ZNF33B: variants seen among roughly 807,000 people sequenced by gnomAD.
ZNF33B encodes zinc finger protein 11b (KOX 2).
ZNF33B carries 29 observed loss-of-function variants against 45.8 expected under a neutral mutation model. The observed-to-expected ratio is 0.63, with a 90% CI of 0.47 to 0.86. ZNF33B has a LOEUF of 0.86. Among genes scored for constraint, ZNF33B ranks in the 40% least tolerant of loss-of-function variants. ZNF33B has a pLI of 0.00. For synonymous variants in ZNF33B, 305 were observed against 307.8 expected, an observed-to-expected ratio of 0.99 and a Z score of 0.10; for missense variants, 831 against 909.9, an observed-to-expected ratio of 0.91 and a Z score of 1.12.
In ZNF33B at chr10:42,592,704, T is replaced by G. The variant is rs145246304; in HGVS notation, c.2246A>C (p.Tyr749Ser). The G allele has an allele frequency of 6.2e-7, 1 of 1,614,142 alleles. No homozygotes were observed. Among genetic ancestry groups the G allele is most frequent in the Non-Finnish European group, 8.5e-7 (1 of 1,179,994 alleles). ...GGTTTTCCTGCATGTGTTACATTCATAGGGCTTTTCCCCTGTATGTGATCT... is the reference window on the plus strand; with the variant it reads ...GGTTTTCCTGCATGTGTTACATTCAGAGGGCTTTTCCCCTGTATGTGATCT... ...HQRSHTGEKP[Y>S]ECNTCRKTFS... Residue 749 changes from tyrosine (Y) to serine (S), a missense_variant, in exon 5 of 5, where the codon TAT (tyrosine) becomes TCT (serine). By Grantham distance (144) the Tyr-to-Ser change is moderately radical (BLOSUM62 -2). Transcript: ENST00000359467.
intron 4 of ZNF33B, among the ~76,000 whole-genome samples, chr10:42,616,556 A>C (rs900890165): frequency 1.3e-5 from 2 of 151,786 alleles, no homozygotes; most frequent in African/African-American, 2.4e-5. Context: ...ATGTTTTATT[A>C]TTTTTTTCTT....
At chr10:42,589,088 G>C (rs1836996833), downstream of ZNF33B, 1 of 379,240 alleles carries the variant, frequency 2.6e-6, no homozygotes, top group Non-Finnish European at 3.6e-6. Context: ...CCTTAGTACA[G>C]AAACAAGATG....
At chr10:42,603,834 G>C (rs985860946) in intron 4 of ZNF33B, among the ~76,000 whole-genome samples, 1 of 152,214 alleles carries the variant, frequency 6.6e-6, no homozygotes, top group Non-Finnish European at 1.5e-5. Flanking sequence ...GCTAAAGATA[G>C]TGTGCATTTC....
chr10:42,612,200 G>T (rs1838126800), intron 4 of ZNF33B, among the ~76,000 whole-genome samples: 2 of 146,930 alleles, frequency 1.4e-5, no homozygotes, highest in Non-Finnish European at 1.5e-5. Flanking sequence ...GTTTTCTTCT[G>T]TAGCCTGTTG....
Position 42,638,570 on chromosome 10 carries a change from G to A in ZNF33B, c.-141C>T. On this transcript the variant is annotated 5_prime_UTR_variant, in exon 1 of 5. Transcript: ENST00000359467. ...ACGCAAAACGTGAGACAAACAAAAG[G>A]AAAGGCGGAAACGCAGAAACGCAGA... 2.1e-6 allele frequency: 1 copy of A among 473,380 alleles called. No individual in the cohort carries two copies. Among genetic ancestry groups the A allele is most frequent in the Admixed American group, 2.3e-5 (1 of 44,164 alleles). The allele number at this position is 473,380 out of a possible 1,614,324, so 29.3% of individuals were successfully genotyped here.
In ZNF33B at chr10:42,594,152, C is replaced by G; in HGVS notation, c.798G>C (p.Gln266His). The G allele has an allele frequency of 6.2e-7, 1 of 1,613,874 alleles. No individual in the cohort carries two copies. Among genetic ancestry groups the G allele is most frequent in the Non-Finnish European group, 8.5e-7 (1 of 1,179,938 alleles). ...FCDSSSLLFH[Q>H]IPPSKDSHYE... Reference sequence around the variant, plus strand: ...AGTGACTGTCCTTTGATGGAGGTATCTGATGGAACAAGAGGGATGAACTAT... The same window carrying G: ...AGTGACTGTCCTTTGATGGAGGTATGTGATGGAACAAGAGGGATGAACTAT... Residue 266 changes from glutamine to histidine, a missense_variant, in exon 5 of 5, where the codon CAG (glutamine) becomes CAC (histidine). Gln to His is a conservative substitution (Grantham distance 24). Transcript: ENST00000359467.
chr10:42,630,112 CTTG>C (rs1252621393), intron 4 of ZNF33B, among the ~76,000 whole-genome samples: 1 of 152,158 alleles, frequency 6.6e-6, no homozygotes, highest in Non-Finnish European at 1.5e-5. Context: ...CCCAAGCCTT[CTTG>C]TTATTTCCTT....
chr10:42,614,944 T>C (rs532498988), intron 4 of ZNF33B, among the ~76,000 whole-genome samples: 1 of 151,250 alleles, frequency 6.6e-6, no homozygotes, highest in Non-Finnish European at 1.5e-5. Context: ...CAGAGCGAGA[T>C]TCCATCTCAA....
chr10:42,581,314 A>C (rs951735027), intron 1 of ZNF33B, among the ~76,000 whole-genome samples: 7 of 151,956 alleles, frequency 4.6e-5, no homozygotes, highest in African/African-American at 1.7e-4. Flanking sequence ...AAATACAAAA[A>C]TTAGCCAGGC....
At chr10:42,626,347 C>G (rs1838805359) in intron 4 of ZNF33B, among the ~76,000 whole-genome samples, 1 of 152,086 alleles carries the variant, frequency 6.6e-6, no homozygotes, top group Non-Finnish European at 1.5e-5. Flanking sequence ...TATTTTTGTA[C>G]TGTCTGTATG....
intron 4 of ZNF33B, among the ~76,000 whole-genome samples, chr10:42,610,243 A>C (rs1484185106): frequency 6.6e-6 from 1 of 152,198 alleles, no homozygotes; most frequent in Non-Finnish European, 1.5e-5. Context: ...TGAAATTTTA[A>C]AAAGAATTCC....
At chr10:42,635,058 C>T (rs1280692209) in intron 2 of ZNF33B, among the ~76,000 whole-genome samples, 1 of 152,024 alleles carries the variant, frequency 6.6e-6, no homozygotes, top group Admixed American at 6.6e-5. Context: ...ACCAGCCTGG[C>T]CAAGTGAAAC....
intron 4 of ZNF33B, among the ~76,000 whole-genome samples, chr10:42,618,008 ATTC>A (rs1319053652): frequency 2.6e-5 from 4 of 152,116 alleles, no homozygotes; most frequent in Admixed American, 6.5e-5. Context: ...ACAAGCAGCC[ATTC>A]TTCTCCCTTC....
chr10:42,616,043 G>C (rs1161581930), intron 4 of ZNF33B, among the ~76,000 whole-genome samples: 3 of 151,896 alleles, frequency 2.0e-5, no homozygotes, highest in Admixed American at 6.6e-5. Context: ...GGCCAACATG[G>C]TGAAAATATA....
intron 1 of ZNF33B, among the ~76,000 whole-genome samples, chr10:42,579,502 T>C (rs1836795304): frequency 6.8e-6 from 1 of 146,064 alleles, no homozygotes; most frequent in East Asian, 2.1e-4. Flanking sequence ...TGTGGATCTC[T>C]GGATGAAGGC....
Position 42,593,332 on chromosome 10 carries a change from G to A in ZNF33B, c.1618C>T (p.Leu540Phe), listed in dbSNP as rs773411743. ...CGKTFCLKSD[L>F]TIHQRTHTGE... ...GTGTGCGTTCTCTGATGTATTGTGA[G>A]GTCTGACTTCAAGCAGAAGGTTTTC... Residue 540 changes from leucine to phenylalanine, a missense_variant, in exon 5 of 5, where the codon CTC becomes TTC. Leu to Phe is a conservative substitution (Grantham distance 22). Transcript: ENST00000359467. The A allele has an allele frequency of 5.6e-6, 9 of 1,613,964 alleles. No individual in the cohort carries two copies. The South Asian group carries it at 9.9e-5, about 18-fold the overall frequency.
At position 42,635,856 on chromosome 10, in the gene ZNF33B, C is replaced by T. The variant is rs527961919; in HGVS notation, c.9+1064G>A. ...AATACACTTTAATTTATTGGCCGGG[C>T]ACAGTGGCTCACGCCTGTAATCCCA... On this transcript the variant is annotated intron_variant, in intron 2 of 4. Coordinates refer to ENST00000359467, the MANE Select transcript of ZNF33B (RefSeq NM_006955.3). Among the ~76,000 whole-genome samples the T allele has an allele frequency of 8.3e-5, 12 of 145,330 alleles. No individual in the cohort carries two copies. The East Asian group carries it at 2.5e-3, about 31-fold the overall frequency.
intron 2 of ZNF33B, among the ~76,000 whole-genome samples, chr10:42,635,858 C>G (rs1411214415): frequency 1.4e-5 from 2 of 145,560 alleles, no homozygotes; most frequent in Non-Finnish European, 3.0e-5. Context: ...TGGCCGGGCA[C>G]AGTGGCTCAC....
chr10:42,595,184 G>A (rs1041551488), intron 4 of ZNF33B, among the ~76,000 whole-genome samples: 1 of 152,172 alleles, frequency 6.6e-6, no homozygotes, highest in Non-Finnish European at 1.5e-5. Context: ...AAGAGAGTCA[G>A]CCAGAGACTG....
Sources: allele counts gnomAD v4.1 joint callset (sites outside exome capture counted in the v4.1 genomes callset), GRCh38; gene constraint gnomAD v4.1.1; transcripts MANE v1.5; gene names NCBI Gene and HGNC (gene_info 2026-07-23, HGNC 2026-07-21).